TWF2: variants seen among roughly 807,000 people sequenced by gnomAD.
TWF2 encodes the protein twinfilin-2.
A neutral mutation model predicts 45.1 loss-of-function variants in TWF2; 15 were observed. The observed-to-expected ratio is 0.33, with a 90% CI of 0.22 to 0.51. TWF2 has a LOEUF of 0.51. Among genes scored for constraint, TWF2 ranks in the 20% least tolerant of loss-of-function variants. TWF2 has a pLI of 0.97. For synonymous variants in TWF2, 177 were observed against 195.8 expected, an observed-to-expected ratio of 0.90 and a Z score of 0.80; for missense variants, 423 against 469.1, an observed-to-expected ratio of 0.90 and a Z score of 0.91.
chr3:52,231,675 G>T (rs1559441040), intron 3 of TWF2, 136 bp from the exon 4 acceptor site: 2 of 1,052,766 alleles, frequency 1.9e-6, no homozygotes, highest in East Asian at 5.1e-5. Context: ...GGGCCAGGAC[G>T]CAGCAGGTGG....
At chr3:52,231,590 C>A in intron 3 of TWF2, 51 bp from the exon 4 acceptor site, 1 of 1,561,850 alleles carries the variant, frequency 6.4e-7, no homozygotes, top group South Asian at 1.2e-5. Flanking sequence ...GGCTGCCTCT[C>A]CCGGAACAGA....
intron 1 of TWF2, among the ~76,000 whole-genome samples, chr3:52,236,825 G>T (rs988853798): frequency 6.6e-6 from 1 of 152,036 alleles, no homozygotes; most frequent in Non-Finnish European, 1.5e-5. Context: ...CATCCCACTG[G>T]GCCAGGACAG....
At chr3:52,238,624 CA>C (rs1699750005) in intron 1 of TWF2, among the ~76,000 whole-genome samples, 1 of 152,196 alleles carries the variant, frequency 6.6e-6, no homozygotes, top group African/African-American at 2.4e-5. Flanking sequence ...CCTAGATGTA[CA>C]CAAGCGAGTC....
Position 52,228,997 on chromosome 3 carries a change from C to G in TWF2, c.*37G>C. The stretch of plus-strand genomic sequence containing the variant: ...TGGCAGGGAGCGGAAGGTGGGCAGC[C>G]CCACAGTCCACACGTGGCCGGCCCT... On this transcript the variant is annotated 3_prime_UTR_variant, in exon 9 of 9. Coordinates refer to ENST00000305533, the MANE Select transcript of TWF2 (RefSeq NM_007284.4). 6.3e-7 allele frequency: 1 copy of G among 1,590,826 alleles called. No individual in the cohort carries two copies. The highest frequency in any genetic ancestry group is 8.6e-7 in the Non-Finnish European group (1 of 1,167,232).
intron 2 of TWF2, among the ~76,000 whole-genome samples, chr3:52,233,083 G>A (rs566511287): frequency 6.6e-6 from 1 of 152,376 alleles, no homozygotes; most frequent in South Asian, 2.1e-4. Context: ...AGGCCTGCTA[G>A]CTCCTTGGCT....
intron 5 of TWF2, 55 bp downstream of exon 5, chr3:52,231,072 A>G: frequency 6.2e-7 from 1 of 1,611,580 alleles, no homozygotes; most frequent in Non-Finnish European, 8.5e-7. Flanking sequence ...ACAGGCTGCC[A>G]CTGGGCCGAT....
chr3:52,230,807 C>T, intron 6 of TWF2, 63 bp downstream of exon 6: 1 of 1,568,418 alleles, frequency 6.4e-7, no homozygotes, highest in South Asian at 1.2e-5. Flanking sequence ...TACATCTGCA[C>T]ATGTGCATGG....
intron 2 of TWF2, among the ~76,000 whole-genome samples, chr3:52,234,177 G>A (rs1016598017): frequency 1.3e-5 from 2 of 152,058 alleles, no homozygotes; most frequent in Admixed American, 6.5e-5. Context: ...CCAACACAAC[G>A]CGTGGAAAGC....
At chr3:52,233,256 C>A (rs1385460133) in intron 2 of TWF2, among the ~76,000 whole-genome samples, 1 of 152,366 alleles carries the variant, frequency 6.6e-6, no homozygotes, top group East Asian at 1.9e-4. Context: ...CTGATCTGGG[C>A]AGGGGCCCCG....
In TWF2 at chr3:52,239,100, G is replaced by C; in HGVS notation, c.-84C>G. The C allele has an allele frequency of 6.6e-7, 1 of 1,514,468 alleles. No homozygotes were observed. Among genetic ancestry groups the C allele is most frequent in the South Asian group, 1.2e-5 (1 of 83,152 alleles). The allele number at this position is 1,514,468 out of a possible 1,614,324, so 93.8% of individuals were successfully genotyped here. On this transcript the variant is annotated 5_prime_UTR_variant, in exon 1 of 9. Transcript: ENST00000305533. ...AACGCTCGCTGGACCAAGAGAGGTG[G>C]AGGATGTGGCGGAGGCTGTCGACCC...
chr3:52,239,138 C>A lies in TWF2; in HGVS notation c.-122G>T. On this transcript the variant is annotated 5_prime_UTR_variant, in exon 1 of 9. Transcript: ENST00000305533. The stretch of plus-strand genomic sequence containing the variant: ...AGGCTGTCGACCCTCGCGCAGCTTC[C>A]CGGGCGGTGCCGCAGGACCCGCCCC... 7.8e-7 allele frequency: 1 copy of A among 1,285,032 alleles called. No individual in the cohort carries two copies. Among genetic ancestry groups the A allele is most frequent in the Non-Finnish European group, 1.0e-6 (1 of 996,020 alleles). 79.6% of individuals were successfully genotyped at this position (1,285,032 alleles called of 1,614,324 possible).
At chr3:52,233,811 G>A (rs578206792) in intron 2 of TWF2, among the ~76,000 whole-genome samples, 4 of 152,012 alleles carry the variant, frequency 2.6e-5, no homozygotes, top group African/African-American at 9.7e-5. Context: ...CTACTCGGGA[G>A]GCTGAGGCAG....
Position 52,229,638 on chromosome 3 carries a change from G to A in TWF2, c.882+23C>T, listed in dbSNP as rs769373382. The A allele has an allele frequency of 5.0e-6, 8 of 1,612,214 alleles. No homozygotes were observed. The South Asian group carries it at 7.7e-5, about 16-fold the overall frequency. The stretch of plus-strand genomic sequence containing the variant: ...TTGGAGTGATAGGGCCTGGGGAGGT[G>A]AGGCCCTGGGGAGGGCGCCTACTTT... On this transcript the variant is annotated intron_variant, in intron 8 of 8. Transcript: ENST00000305533.
chr3:52,237,779 G>A (rs932047139), intron 1 of TWF2, among the ~76,000 whole-genome samples: 1 of 152,172 alleles, frequency 6.6e-6, no homozygotes, highest in African/African-American at 2.4e-5. Context: ...TGCCTTCGCG[G>A]GGCCAGGGAA....
intron 8 of TWF2, among the ~76,000 whole-genome samples, 190 bp from the exon 9 acceptor site, chr3:52,229,391 T>C (rs1699656651): frequency 6.6e-6 from 1 of 152,200 alleles, no homozygotes; most frequent in Non-Finnish European, 1.5e-5. Flanking sequence ...CTGCCCTGCA[T>C]GCCTTGGACT....
intron 1 of TWF2, among the ~76,000 whole-genome samples, chr3:52,235,643 T>C (rs928978125): frequency 6.6e-6 from 1 of 152,082 alleles, no homozygotes; most frequent in Non-Finnish European, 1.5e-5. Flanking sequence ...CCCTCATACA[T>C]GAACACATGC....
Position 52,231,239 on chromosome 3 carries a change from G to A in TWF2, c.379-8C>T. The stretch of plus-strand genomic sequence containing the variant: ...AGCAAAAGAGAGGTCATCCTGCAGG[G>A]GTGGGGGTGAATGCAGAGCCATAAA... On this transcript the variant is annotated splice_polypyrimidine_tract_variant and splice_region_variant and intron_variant, in intron 4 of 8. Coordinates refer to ENST00000305533, the MANE Select transcript of TWF2 (RefSeq NM_007284.4). 1 of 1,613,982 alleles carries A rather than the reference G, an allele frequency of 6.2e-7. No individual in the cohort carries two copies. Among genetic ancestry groups the A allele is most frequent in the Non-Finnish European group, 8.5e-7 (1 of 1,179,892 alleles).
intron 4 of TWF2, 92 bp downstream of exon 4, chr3:52,231,352 G>A (rs548449769): frequency 2.0e-5 from 32 of 1,576,054 alleles, no homozygotes; most frequent in East Asian, 9.0e-5. Flanking sequence ...TCTTCCTCCC[G>A]AAGCTGGCAC....
chr3:52,232,133 A>G lies in TWF2; in HGVS notation c.104-11T>C, dbSNP rs1375468725. ...CCAGCACGAGCTGCTCTGGGGGCAGAGGCCGGATGAGCAGCCGCTCCCAGC... is the reference window on the plus strand; with the variant it reads ...CCAGCACGAGCTGCTCTGGGGGCAGGGGCCGGATGAGCAGCCGCTCCCAGC... On this transcript the variant is annotated splice_polypyrimidine_tract_variant and intron_variant, in intron 2 of 8. Transcript: ENST00000305533. The G allele has an allele frequency of 6.5e-7, 1 of 1,538,350 alleles. No individual in the cohort carries two copies. The highest frequency in any genetic ancestry group is 8.8e-7 in the Non-Finnish European group (1 of 1,140,448).
Sources: allele counts gnomAD v4.1 joint callset (sites outside exome capture counted in the v4.1 genomes callset), GRCh38; gene constraint gnomAD v4.1.1; transcripts MANE v1.5; gene names NCBI Gene and HGNC (gene_info 2026-07-23, HGNC 2026-07-21).